The following ZNF543 variants were observed in gnomAD, a reference collection of about 807,000 sequenced individuals.
ZNF543 encodes zinc finger protein 543.
ZNF543 carries 10 observed loss-of-function variants against 13.4 expected under a neutral mutation model. The ratio of observed to expected loss-of-function variants is 0.75; its 90% confidence interval spans 0.46 to 1.26. The LOEUF (loss-of-function observed/expected upper bound fraction) is 1.26. Among genes scored for constraint, ZNF543 ranks in the 50% most tolerant of loss-of-function variants. The probability of loss-of-function intolerance (pLI) is 0.00; values close to 1 mark genes in which losing one functional copy is unlikely to be tolerated. For missense variants in ZNF543, 768 were observed against 741.2 expected (o/e 1.04, Z -0.42); for synonymous variants, 272 against 264.7 (o/e 1.03, Z -0.27).
chr19:57,323,503 A>G (rs2088102568), intron 1 of ZNF543, 179 bp from the exon 2 acceptor site: 4 of 808,228 alleles, frequency 4.9e-6, no homozygotes, highest in African/African-American at 3.4e-5. Context: ...ACACTGCTGT[A>G]ATTTATCCAA....
chr19:57,328,418 C>G lies in ZNF543; in HGVS notation c.956C>G (p.Ala319Gly), dbSNP rs2088138379. 7 of 1,613,580 alleles carry G rather than the reference C, an allele frequency of 4.3e-6. No homozygotes were observed. The highest frequency in any genetic ancestry group is 5.1e-6 in the Non-Finnish European group (6 of 1,179,980). The change falls in exon 4 of 4, where the codon GCC becomes GGC. Residue 319 changes from alanine (A) to glycine (G), a missense_variant. Ala to Gly is a moderately conservative substitution (Grantham distance 60). Around this residue, in one of 3 missense-constraint regions of ZNF543, gnomAD observed 677 missense variants for 631.4 expected, o/e 1.07. Transcript: ENST00000321545. ...TTTGTGTGCAAAGAGTGTGGCAAAGCCTTTCGAGATAGGCCAGGTTTCATT... is the reference window on the plus strand; with the variant it reads ...TTTGTGTGCAAAGAGTGTGGCAAAGGCTTTCGAGATAGGCCAGGTTTCATT... The part of the protein sequence containing the change: ...KPFVCKECGK[A>G]FRDRPGFIRH...
chr19:57,325,735 A>G (rs1176036034), intron 2 of ZNF543, among the ~76,000 whole-genome samples: 1 of 152,092 alleles, frequency 6.6e-6, no homozygotes, highest in East Asian at 1.9e-4. Context: ...TATTTTTAGT[A>G]GAGATGGGGT....
chr19:57,327,624 T>C (rs369095236), intron 3 of ZNF543, 80 bp from the exon 4 acceptor site: 1 of 1,505,952 alleles, frequency 6.6e-7, no homozygotes, highest in Admixed American at 2.3e-5. Flanking sequence ...GGATTACAGG[T>C]ATGAATCACT....
intron 3 of ZNF543, 135 bp downstream of exon 3, chr19:57,326,863 GCC>G (rs752772288): frequency 5.3e-3 from 3,030 of 570,970 alleles, no homozygotes; most frequent in South Asian, 8.2e-3. Flanking sequence ...GCCTCTCCCC[GCC>G]CGCCCCCCCC....
In ZNF543 at chr19:57,328,248, G is replaced by A. The variant is rs1246234033; in HGVS notation, c.786G>A (p.Lys262=). 4 of 1,613,954 alleles carry A rather than the reference G, an allele frequency of 2.5e-6. No individual in the cohort carries two copies. The African/African-American group carries it at 5.3e-5, about 22-fold the overall frequency. The stretch of plus-strand genomic sequence containing the variant: ...CCTATAAGTGCATGGAGTGTGGGAA[G>A]GCTTTTAACCGCAGGTCACACCTCA... ...EKPYKCMECG[K]AFNRRSHLTR... Residue 262 remains lysine, a synonymous_variant, in exon 4 of 4, where the codon AAG becomes AAA. Transcript: ENST00000321545.
rs1222533301 is a variant in ZNF543 at position 57,330,345 on chromosome 19, GT to G, written c.*1086del. 6.7e-6 allele frequency: 1 copy of G among 150,240 alleles called. No homozygotes were observed. Among genetic ancestry groups the G allele is most frequent in the East Asian group, 1.9e-4 (1 of 5,130 alleles). 9.3% of individuals were successfully genotyped at this position (150,240 alleles called of 1,614,324 possible). ...GCCCACAGTAATCCTGGGAATCTTA[GT>G]TTTTTCCTATGATTGTGGTTTCTCA... On this transcript the variant is annotated 3_prime_UTR_variant, in exon 4 of 4. Coordinates refer to ENST00000321545, the MANE Select transcript of ZNF543 (RefSeq NM_213598.4).
At position 57,328,727 on chromosome 19, in the gene ZNF543, C is replaced by T; in HGVS notation, c.1265C>T (p.Pro422Leu). The T allele has an allele frequency of 6.2e-7, 1 of 1,613,966 alleles. No individual in the cohort carries two copies. The highest frequency in any genetic ancestry group is 1.3e-5 in the African/African-American group (1 of 74,930). ...CAACGGATTCACACTGGGGAGAAGC[C>T]TTATGAATGCAGTGAATGTGGAAAG... ...QHQRIHTGEK[P>L]YECSECGKAF... The change falls in exon 4 of 4, where the codon CCT (proline) becomes CTT (leucine). Residue 422 changes from proline to leucine, a missense_variant. By Grantham distance (98) the Pro-to-Leu change is moderately conservative. Transcript: ENST00000321545.
rs1339226055 is a variant in ZNF543 at position 57,329,802 on chromosome 19, GCGCCCGGCCAT to G, written c.*539_*549del. 1 of 152,636 alleles carries G rather than the reference GCGCCCGGCCAT, an allele frequency of 6.6e-6. No homozygotes were observed. The highest frequency in any genetic ancestry group is 6.5e-5 in the Admixed American group (1 of 15,322). 9.5% of individuals were successfully genotyped at this position (152,636 alleles called of 1,614,324 possible). The stretch of plus-strand genomic sequence containing the variant: ...GCTGGGATTACAGGCGTGAGCCACC[GCGCCCGGCCAT>G]CTCAGGGATATTTAAACAAAGGAAG... On this transcript the variant is annotated 3_prime_UTR_variant, in exon 4 of 4. Transcript: ENST00000321545.
rs1210258120 is a variant in ZNF543 at position 57,328,843 on chromosome 19, A to G, written c.1381A>G (p.Ser461Gly). The G allele has an allele frequency of 6.2e-7, 1 of 1,613,776 alleles. No individual in the cohort carries two copies. Among genetic ancestry groups the G allele is most frequent in the South Asian group, 1.1e-5 (1 of 91,056 alleles). ...ATGCAAAGAATGTGGAAAAGCCTTTAGTGATAGGGCAGACCTCATTCGCCA... is the reference window on the plus strand; with the variant it reads ...ATGCAAAGAATGTGGAAAAGCCTTTGGTGATAGGGCAGACCTCATTCGCCA... Reference protein sequence around the residue: ...YECKECGKAFSDRADLIRHFS... With the variant: ...YECKECGKAFGDRADLIRHFS... Residue 461 changes from serine (S) to glycine (G), a missense_variant, in exon 4 of 4, where the codon AGT (serine) becomes GGT (glycine). Physicochemically the swap from Ser to Gly is moderately conservative, Grantham distance 56 (BLOSUM62 0). Around this residue, in one of 3 missense-constraint regions of ZNF543, gnomAD observed 677 missense variants for 631.4 expected, o/e 1.07. Transcript: ENST00000321545.
chr19:57,322,813 A>G (rs569188425), intron 1 of ZNF543, among the ~76,000 whole-genome samples: 18 of 152,272 alleles, frequency 1.2e-4, no homozygotes, highest in Non-Finnish European at 2.1e-4. Flanking sequence ...GGTGAAGTGG[A>G]AAACCCTGTT....
At chr19:57,325,081 T>C (rs191869539) in intron 2 of ZNF543, among the ~76,000 whole-genome samples, 6 of 152,222 alleles carry the variant, frequency 3.9e-5, no homozygotes, top group African/African-American at 1.4e-4. Context: ...CAGCAAAGTC[T>C]CTCCAAGAAG....
chr19:57,326,941 C>G (rs1388012971), intron 3 of ZNF543, among the ~76,000 whole-genome samples: 2 of 147,186 alleles, frequency 1.4e-5, no homozygotes, highest in East Asian at 4.3e-4. Flanking sequence ...GATCATAGCT[C>G]ACTGCAGCCT....
chr19:57,328,967 C>T lies in ZNF543; in HGVS notation c.1505C>T (p.Thr502Ile). Residue 502 changes from threonine (T) to isoleucine (I), a missense_variant, in exon 4 of 4, where the codon ACT (threonine) becomes ATT (isoleucine). Around this residue, in one of 3 missense-constraint regions of ZNF543, gnomAD observed 677 missense variants for 631.4 expected, o/e 1.07. Coordinates refer to ENST00000321545, the MANE Select transcript of ZNF543 (RefSeq NM_213598.4). ...CTCACGAGGCACCAACAGATTCACA[C>T]TGGAGAGAAACCCTATGAATGCATC... Reference protein sequence around the residue: ...SHLTRHQQIHTGEKPYECIQC... With the variant: ...SHLTRHQQIHIGEKPYECIQC... 6.2e-7 allele frequency: 1 copy of T among 1,614,238 alleles called. No homozygotes were observed. Among genetic ancestry groups the T allele is most frequent in the Non-Finnish European group, 8.5e-7 (1 of 1,180,052 alleles).
Position 57,329,273 on chromosome 19 carries a change from C to T in ZNF543, c.*8C>T. On this transcript the variant is annotated 3_prime_UTR_variant, in exon 4 of 4. Coordinates refer to ENST00000321545, the MANE Select transcript of ZNF543 (RefSeq NM_213598.4). ...GAAGAAAATCTGTGGTGAAAGGGAA[C>T]ATCTTACCATCTGGCCATTCACACT... The T allele has an allele frequency of 6.3e-7, 1 of 1,584,620 alleles. No homozygotes were observed. The highest frequency in any genetic ancestry group is 1.7e-4 in the Middle Eastern group (1 of 5,900).
At chr19:57,322,224 C>T (rs925682263) in intron 1 of ZNF543, among the ~76,000 whole-genome samples, 6 of 152,162 alleles carry the variant, frequency 3.9e-5, no homozygotes, top group African/African-American at 1.4e-4. Context: ...TGAGAATGGG[C>T]ATCTGTGAGG....
rs778100579 is a variant in ZNF543, at chr19:57,326,637, T to C, written c.150T>C (p.Cys50=). The C allele has an allele frequency of 8.1e-6, 13 of 1,613,662 alleles. No homozygotes were observed. Among genetic ancestry groups the C allele is most frequent in the South Asian group, 1.1e-5 (1 of 91,036 alleles). ...ETCGLLMSLG[C]PLFKPELIYQ... ...TCTTTTGTTCTCCATGCACAGGCTG[T>C]CCTTTGTTCAAACCAGAGCTGATCT... is the stretch of plus-strand genomic sequence containing the variant. The change falls in exon 3 of 4, where the codon TGT becomes TGC. Residue 50 remains cysteine (C), a synonymous_variant. Coordinates refer to ENST00000321545, the MANE Select transcript of ZNF543 (RefSeq NM_213598.4).
chr19:57,329,155 G>GT lies in ZNF543; in HGVS notation c.1694dup (p.Thr566AsnfsTer31). Reference sequence around the variant, plus strand: ...TCATACTGGGAGAAACCCTACCATTGTAACAGATGTGGGAAGACCTTTTAT... The same window carrying GT: ...TCATACTGGGAGAAACCCTACCATTGTTAACAGATGTGGGAAGACCTTTTAT... On this transcript the variant is annotated frameshift_variant, in exon 4 of 4. Transcript: ENST00000321545. LOFTEE classifies it low-confidence loss of function (END_TRUNC). 1.2e-5 allele frequency: 19 copies of GT among 1,614,218 alleles called. No individual in the cohort carries two copies. The highest frequency in any genetic ancestry group is 1.6e-5 in the Non-Finnish European group (19 of 1,180,032).
intron 1 of ZNF543, among the ~76,000 whole-genome samples, chr19:57,321,741 C>T (rs994466535): frequency 1.2e-4 from 18 of 152,124 alleles, no homozygotes; most frequent in Non-Finnish European, 2.5e-4. Flanking sequence ...ACCATCACAG[C>T]CTGTGTTTTT....
In ZNF543 at chr19:57,328,711, C is replaced by A. The variant is rs1164529917; in HGVS notation, c.1249C>A (p.His417Asn). Residue 417 changes from histidine to asparagine, a missense_variant, in exon 4 of 4, where the codon CAC becomes AAC. Around this residue, in one of 3 missense-constraint regions of ZNF543, gnomAD observed 677 missense variants for 631.4 expected, o/e 1.07. Transcript: ENST00000321545. ...RSHLKQHQRI[H>N]TGEKPYECSE... ...ACACCTCAAGCAGCATCAACGGATTCACACTGGGGAGAAGCCTTATGAATG... is the reference window on the plus strand; with the variant it reads ...ACACCTCAAGCAGCATCAACGGATTAACACTGGGGAGAAGCCTTATGAATG... The A allele has an allele frequency of 6.2e-7, 1 of 1,613,994 alleles. No individual in the cohort carries two copies.
Sources: gnomAD v4.1 joint callset for allele counts (sites outside exome capture counted in the v4.1 genomes callset) on GRCh38, gnomAD v4.1.1 for gene constraint, gnomAD v4.1.1 regional missense constraint, MANE v1.5 for transcripts, NCBI Gene and HGNC (gene_info 2026-07-23, HGNC 2026-07-21) for gene names.